DRAM1: variants seen among roughly 807,000 people sequenced by gnomAD.
DRAM1 encodes DNA damage regulated autophagy modulator 1, also known as DNA damage-regulated autophagy modulator protein 1.
Under a neutral mutation model 28.5 loss-of-function variants are expected in DRAM1, and 25 were observed. The ratio of observed to expected loss-of-function variants is 0.88; its 90% CI spans 0.64 to 1.23. DRAM1 has a LOEUF of 1.23. Ranked by LOEUF, DRAM1 falls within the 50% of genes most tolerant of loss-of-function variation. The probability of loss-of-function intolerance (pLI) is 0.00; values close to 1 mark genes in which losing one functional copy is unlikely to be tolerated. For synonymous variants in DRAM1, 113 were observed against 114.2 expected (o/e 0.99, Z 0.07); for missense variants, 249 against 299.2 (o/e 0.83, Z 1.24).
At chr12:101,882,177 C>T (rs1371547405) in intron 1 of DRAM1, among the ~76,000 whole-genome samples, 1 of 144,966 alleles carries the variant, frequency 6.9e-6, no homozygotes, top group African/African-American at 2.5e-5. Flanking sequence ...GGCGCGATCT[C>T]GGCTCACTGC....
intron 1 of DRAM1, among the ~76,000 whole-genome samples, chr12:101,884,634 T>A (rs1872816460): frequency 6.6e-6 from 1 of 152,172 alleles, no homozygotes; most frequent in African/African-American, 2.4e-5. Context: ...GTGAATACAG[T>A]TTTGTGGGAT....
chr12:101,909,045 T>G (rs1311902013), intron 4 of DRAM1, among the ~76,000 whole-genome samples: 1 of 151,824 alleles, frequency 6.6e-6, no homozygotes, highest in Non-Finnish European at 1.5e-5. Flanking sequence ...GTGGATCACC[T>G]GAGGTTGAGA....
chr12:101,899,279 G>T (rs1427928583), intron 2 of DRAM1, among the ~76,000 whole-genome samples: 1 of 152,178 alleles, frequency 6.6e-6, no homozygotes, highest in African/African-American at 2.4e-5. Flanking sequence ...CAAGAATCCA[G>T]ACTTGGAAAA....
intron 4 of DRAM1, among the ~76,000 whole-genome samples, chr12:101,909,709 A>G (rs4526822): frequency 0.062 from 9,506 of 152,306 alleles, 674 homozygotes; most frequent in African/African-American, 0.18. Flanking sequence ...GCAATCTGAA[A>G]GGAAATGAAA....
chr12:101,908,224 T>C lies in DRAM1; in HGVS notation c.381T>C (p.Leu127=), dbSNP rs1372614921. The change falls in exon 4 of 7, where the codon CTT becomes CTC. Residue 127 remains leucine, a synonymous_variant. Transcript: ENST00000258534. ...CAGTGGTTCATGACGGGGGCGCTCTTTTGGCCTTTGTCTGTGGTGTCGTGT... is the reference window on the plus strand; with the variant it reads ...CAGTGGTTCATGACGGGGGCGCTCTCTTGGCCTTTGTCTGTGGTGTCGTGT... ...AVPVVHDGGA[L]LAFVCGVVYT... The C allele has an allele frequency of 1.2e-6, 2 of 1,613,276 alleles. No individual in the cohort carries two copies. The highest frequency in any genetic ancestry group is 2.7e-5 in the African/African-American group (2 of 74,858).
At chr12:101,908,135 G>C (rs759276412) in intron 3 of DRAM1, 51 bp from the exon 4 acceptor site, 1 of 1,511,528 alleles carries the variant, frequency 6.6e-7, no homozygotes. Flanking sequence ...CTTGCGGTTC[G>C]ATGTTGACAA....
At chr12:101,900,724 G>A (rs1873569192) in intron 2 of DRAM1, among the ~76,000 whole-genome samples, 2 of 152,104 alleles carry the variant, frequency 1.3e-5, no homozygotes, top group African/African-American at 2.4e-5. Context: ...AATCGTCAAC[G>A]GGCTGGAGCA....
At chr12:101,906,530 C>T (rs1264247972) in intron 3 of DRAM1, among the ~76,000 whole-genome samples, 5 of 152,156 alleles carry the variant, frequency 3.3e-5, no homozygotes, top group African/African-American at 9.7e-5. Context: ...AAATGTTCCT[C>T]GACTGGAAGG....
chr12:101,909,526 C>T (rs1317889495), intron 4 of DRAM1, among the ~76,000 whole-genome samples: 3 of 152,114 alleles, frequency 2.0e-5, no homozygotes, highest in Non-Finnish European at 2.9e-5. Flanking sequence ...TAAACTCTCC[C>T]CCTCCCTGCA....
chr12:101,923,462 T>C lies in DRAM1; in HGVS notation c.*2202T>C, dbSNP rs1240875205. On this transcript the variant is annotated 3_prime_UTR_variant, in exon 7 of 7. Transcript: ENST00000258534. Reference sequence around the variant, plus strand: ...CCACAATGAACAGAGTGCCTCCTGGTACACTGTAGGAGCTTAAGAAATACT... The same window carrying C: ...CCACAATGAACAGAGTGCCTCCTGGCACACTGTAGGAGCTTAAGAAATACT... 2.6e-5 allele frequency: 4 copies of C among 152,196 alleles called. No homozygotes were observed. The highest frequency in any genetic ancestry group is 9.7e-5 in the African/African-American group (4 of 41,438). The allele number at this position is 152,196 out of a possible 1,614,324, so 9.4% of individuals were successfully genotyped here. A position where few individuals can be genotyped will look rare whatever the true frequency, so the allele number is the denominator to read the frequency against.
chr12:101,910,297 TGTTA>T (rs1276342142), intron 4 of DRAM1, among the ~76,000 whole-genome samples: 1 of 152,262 alleles, frequency 6.6e-6, no homozygotes, highest in African/African-American at 2.4e-5. Context: ...TTTTATCTTG[TGTTA>T]GTTGTAAAAT....
At chr12:101,885,525 C>CTTTTTTTTTTTTTTTTTTTTTTTT (rs11342964) in intron 1 of DRAM1, among the ~76,000 whole-genome samples, 1 of 96,410 alleles carries the variant, frequency 1.0e-5, no homozygotes, top group Non-Finnish European at 2.0e-5. Context: ...TCCCACTGGA[C>CTTTTTTTTTTTTTTTTTTTTTTTT]TTTTTTTTTT....
chr12:101,889,178 C>T (rs1873002493), intron 1 of DRAM1, among the ~76,000 whole-genome samples: 1 of 152,106 alleles, frequency 6.6e-6, no homozygotes, highest in Admixed American at 6.6e-5. Flanking sequence ...CAAGAACATG[C>T]ATTGAAGAGT....
intron 4 of DRAM1, among the ~76,000 whole-genome samples, chr12:101,912,205 CATAA>C (rs1002777670): frequency 9.9e-5 from 15 of 152,044 alleles, no homozygotes; most frequent in Non-Finnish European, 1.9e-4. Flanking sequence ...ATCTCAAATA[CATAA>C]ATAAATAAAT....
Position 101,922,113 on chromosome 12 carries a change from G to C in DRAM1, c.*853G>C, listed in dbSNP as rs1874507323. 2 of 152,226 alleles carry C rather than the reference G, an allele frequency of 1.3e-5. No homozygotes were observed. Among genetic ancestry groups the C allele is most frequent in the Admixed American group, 1.3e-4 (2 of 15,284 alleles). The allele number at this position is 152,226 out of a possible 1,614,324, so 9.4% of individuals were successfully genotyped here. On this transcript the variant is annotated 3_prime_UTR_variant, in exon 7 of 7. Coordinates refer to ENST00000258534, the MANE Select transcript of DRAM1 (RefSeq NM_018370.3). ...ATTTCATGCCAGTAAATGTGGCAAA[G>C]AGAAGAAAGGCCCAAGAGCGAGACA...
chr12:101,887,661 G>T (rs1872937915), intron 1 of DRAM1, among the ~76,000 whole-genome samples: 1 of 151,744 alleles, frequency 6.6e-6, no homozygotes, highest in Admixed American at 6.6e-5. Flanking sequence ...CCCCTGAGTA[G>T]CTGGGACTAC....
intron 1 of DRAM1, among the ~76,000 whole-genome samples, chr12:101,879,606 G>T (rs1872618958): frequency 6.6e-6 from 1 of 151,814 alleles, no homozygotes; most frequent in African/African-American, 2.4e-5. Context: ...ATGCTTGGAA[G>T]AAACCTAGGC....
At chr12:101,891,661 A>G (rs1873131459) in intron 1 of DRAM1, among the ~76,000 whole-genome samples, 1 of 152,244 alleles carries the variant, frequency 6.6e-6, no homozygotes, top group Non-Finnish European at 1.5e-5. Context: ...AACTGTGTAT[A>G]CATAACAGCC....
At chr12:101,901,574 T>G in intron 3 of DRAM1, 141 bp downstream of exon 3, 1 of 1,011,926 alleles carries the variant, frequency 9.9e-7, no homozygotes, top group East Asian at 2.6e-5. Context: ...TTAGTTTGCT[T>G]TTTAGAAACC....
Sources: allele counts gnomAD v4.1 joint callset (sites outside exome capture counted in the v4.1 genomes callset), GRCh38; gene constraint gnomAD v4.1.1; transcripts MANE v1.5; gene names NCBI Gene and HGNC (gene_info 2026-07-23, HGNC 2026-07-21).